The following FCHO2 variants were observed in gnomAD, a reference collection of about 807,000 sequenced individuals.
The protein encoded by FCHO2 is F-BAR domain only protein 2.
FCHO2 carries 43 observed loss-of-function variants against 114.1 expected under a neutral mutation model. That is an observed-to-expected ratio of 0.38 (90% CI 0.30 to 0.49). The LOEUF (loss-of-function observed/expected upper bound fraction) is 0.49. FCHO2 is among the 20% of genes least tolerant of loss of function. FCHO2 has a pLI of 0.97. For missense variants in FCHO2, 807 were observed against 950.4 expected (o/e 0.85, Z 1.98); for synonymous variants, 293 against 315.2 (o/e 0.93, Z 0.75).
chr5:73,083,604 C>T (rs1037636160), intron 24 of FCHO2, among the ~76,000 whole-genome samples: 1 of 152,168 alleles, frequency 6.6e-6, no homozygotes, highest in African/African-American at 2.4e-5. Flanking sequence ...TAAAAAGCCC[C>T]TTGCCGTCCC....
intron 1 of FCHO2, among the ~76,000 whole-genome samples, chr5:72,965,793 T>G (rs1266640089): frequency 6.6e-6 from 1 of 152,236 alleles, no homozygotes; most frequent in African/African-American, 2.4e-5. Context: ...TATTGTGCAT[T>G]GACTTGTCCA....
intron 19 of FCHO2, among the ~76,000 whole-genome samples, 193 bp from the exon 20 acceptor site, chr5:73,074,549 T>G (rs909251607): frequency 3.3e-5 from 5 of 151,294 alleles, no homozygotes; most frequent in East Asian, 1.9e-4. Context: ...GTCTTCCTGG[T>G]TTTTTTTTGT....
At chr5:73,045,784 A>G (rs1446263664) in intron 11 of FCHO2, among the ~76,000 whole-genome samples, 3 of 152,230 alleles carry the variant, frequency 2.0e-5, no homozygotes, top group Admixed American at 2.0e-4. Flanking sequence ...TTATGTTTTT[A>G]AAAATCCATT....
intron 11 of FCHO2, among the ~76,000 whole-genome samples, chr5:73,045,352 A>G (rs1757005536): frequency 6.6e-6 from 1 of 152,160 alleles, no homozygotes; most frequent in African/African-American, 2.4e-5. Flanking sequence ...AAATCATACA[A>G]TATGTATGCT....
chr5:73,046,540 A>G (rs1367631725), intron 11 of FCHO2, among the ~76,000 whole-genome samples: 1 of 152,182 alleles, frequency 6.6e-6, no homozygotes, highest in African/African-American at 2.4e-5. Flanking sequence ...TCCATTGTTA[A>G]ATTTGAGATA....
chr5:72,986,413 G>A (rs1011902649), intron 2 of FCHO2, among the ~76,000 whole-genome samples: 4 of 152,064 alleles, frequency 2.6e-5, no homozygotes, highest in Admixed American at 2.0e-4. Context: ...TAACCTGTGA[G>A]GCTGAGAAAA....
At chr5:72,996,839 A>G (rs1754136269) in intron 5 of FCHO2, 1 of 951,388 alleles carries the variant, frequency 1.1e-6, no homozygotes, top group African/African-American at 1.6e-5. Flanking sequence ...CCTCCCGGCA[A>G]CGGGGGGCTG....
chr5:73,027,311 G>T (rs1359268316), intron 8 of FCHO2, among the ~76,000 whole-genome samples: 1 of 149,786 alleles, frequency 6.7e-6, no homozygotes, highest in African/African-American at 2.4e-5. Flanking sequence ...TAAAAGTTCA[G>T]CAGGTTTCCA....
At chr5:72,961,717 C>G (rs1751883307) in intron 1 of FCHO2, among the ~76,000 whole-genome samples, 1 of 152,006 alleles carries the variant, frequency 6.6e-6, no homozygotes, top group Admixed American at 6.6e-5. Flanking sequence ...GCCTTAGCCT[C>G]CCTGGTAGCT....
At chr5:72,977,095 T>C (rs1172383125) in intron 2 of FCHO2, among the ~76,000 whole-genome samples, 1 of 152,208 alleles carries the variant, frequency 6.6e-6, no homozygotes, top group Non-Finnish European at 1.5e-5. Flanking sequence ...TATGTGTGCA[T>C]GTGTCTTTAT....
intron 8 of FCHO2, among the ~76,000 whole-genome samples, chr5:73,030,940 G>A (rs548580362): frequency 1.3e-5 from 2 of 152,274 alleles, no homozygotes; most frequent in East Asian, 3.9e-4. Flanking sequence ...GAAAAAAATT[G>A]TATAAGGCTA....
At chr5:73,069,175 A>G (rs1742511235) in intron 19 of FCHO2, among the ~76,000 whole-genome samples, 1 of 152,134 alleles carries the variant, frequency 6.6e-6, no homozygotes, top group Non-Finnish European at 1.5e-5. Flanking sequence ...GCAGTGAATT[A>G]TATTTTTCCA....
Position 73,057,547 on chromosome 5 carries a change from T to G in FCHO2, c.1254-886T>G, listed in dbSNP as rs545058243. 2.6e-5 allele frequency among the ~76,000 whole-genome samples: 4 copies of G among 152,318 alleles called. No homozygotes were observed. In the South Asian group the frequency reaches 8.3e-4, roughly 32 times the overall value. On this transcript the variant is annotated intron_variant, in intron 16 of 25. Transcript: ENST00000430046. ...TAAGATTTCCTAAAATTTTTTAAAA[T>G]AATGGCAGTTTGATGCATTAAAATA...
At chr5:72,991,802 A>AACAGCGGTGT (rs1234533357) in intron 5 of FCHO2, among the ~76,000 whole-genome samples, 3 of 152,228 alleles carry the variant, frequency 2.0e-5, no homozygotes, top group African/African-American at 7.2e-5. Flanking sequence ...ATGACTATAA[A>AACAGCGGTGT]ACAGCTGTGT....
At chr5:73,011,814 G>T (rs555952227) in intron 6 of FCHO2, among the ~76,000 whole-genome samples, 2 of 152,158 alleles carry the variant, frequency 1.3e-5, no homozygotes, top group African/African-American at 4.8e-5. Flanking sequence ...GGGAGGCTCA[G>T]GCATGAAATC....
intron 5 of FCHO2, among the ~76,000 whole-genome samples, chr5:73,004,079 T>C (rs1754587984): frequency 6.9e-6 from 1 of 144,806 alleles, no homozygotes. Flanking sequence ...AAAAATTCAC[T>C]CTGAAGGACT....
At chr5:73,024,084 T>C (rs1332586667) in intron 8 of FCHO2, among the ~76,000 whole-genome samples, 3 of 151,966 alleles carry the variant, frequency 2.0e-5, no homozygotes, top group African/African-American at 7.2e-5. Context: ...TTTTGAGACA[T>C]GGTCTTGCTC....
intron 11 of FCHO2, among the ~76,000 whole-genome samples, chr5:73,050,328 A>ATTTATTTATTTT (rs1757284803): frequency 2.1e-5 from 3 of 145,002 alleles, no homozygotes; most frequent in Non-Finnish European, 3.1e-5. Context: ...TTATTTATTT[A>ATTTATTTATTTT]TTTATTTATT....
intron 23 of FCHO2, among the ~76,000 whole-genome samples, chr5:73,082,497 C>T (rs1436274936): frequency 6.6e-6 from 1 of 152,092 alleles, no homozygotes; most frequent in Non-Finnish European, 1.5e-5. Context: ...AGGTACTGAT[C>T]CCTATACACA....
Sources: gnomAD v4.1 joint callset for allele counts (sites outside exome capture counted in the v4.1 genomes callset) on GRCh38, gnomAD v4.1.1 for gene constraint, MANE v1.5 for transcripts, NCBI Gene and HGNC (gene_info 2026-07-23, HGNC 2026-07-21) for gene names.